PAN3: variants seen among roughly 807,000 people sequenced by gnomAD.
PAN3 encodes the protein PAN2-PAN3 deadenylation complex subunit PAN3.
A neutral mutation model predicts 96.2 loss-of-function variants in PAN3; 19 were observed. The observed-to-expected ratio is 0.20, with a 90% CI of 0.14 to 0.29. PAN3 has a LOEUF of 0.29. Ranked by LOEUF, PAN3 falls within the 10% of genes least tolerant of loss-of-function variation. PAN3 has a pLI of 1.00. For synonymous variants in PAN3, 433 were observed against 406.6 expected (o/e 1.06, Z -0.78); for missense variants, 882 against 1,108.1 (o/e 0.80, Z 2.90).
chr13:28,261,404 C>T lies in PAN3; in HGVS notation c.1357C>T (p.Leu453=), dbSNP rs1051028831. 113 of 1,602,104 alleles carry T rather than the reference C, an allele frequency of 7.1e-5. No individual in the cohort carries two copies. The highest frequency in any genetic ancestry group is 8.1e-5 in the Non-Finnish European group (95 of 1,172,660). ...FFMADELRQE[L]INRHLITMAQ... is the part of the protein sequence containing the mutation. ...ATATACTTATTTTGTTTCATAGGAG[C>T]TGATCAACAGACATTTAATAACAAT... The change falls in exon 9 of 19, where the codon CTG becomes TTG. Residue 453 remains leucine (L), a synonymous_variant. Transcript: ENST00000380958.
At chr13:28,246,067 T>G (rs933311104) in intron 6 of PAN3, among the ~76,000 whole-genome samples, 1 of 152,148 alleles carries the variant, frequency 6.6e-6, no homozygotes, top group Non-Finnish European at 1.5e-5. Flanking sequence ...ACTGTTAGGG[T>G]CATAGCAATT....
chr13:28,276,818 G>C (rs1382962264), intron 14 of PAN3, among the ~76,000 whole-genome samples: 1 of 152,182 alleles, frequency 6.6e-6, no homozygotes, highest in Non-Finnish European at 1.5e-5. Context: ...TTAAGTTATA[G>C]TGGTCATAGC....
chr13:28,156,260 C>T (rs1363473441), intron 1 of PAN3, among the ~76,000 whole-genome samples: 1 of 152,008 alleles, frequency 6.6e-6, no homozygotes, highest in Non-Finnish European at 1.5e-5. Flanking sequence ...TACAAAAAAC[C>T]CTCAGAGACT....
At chr13:28,154,965 C>T (rs528270311) in intron 1 of PAN3, among the ~76,000 whole-genome samples, 6 of 151,682 alleles carry the variant, frequency 4.0e-5, no homozygotes, top group Middle Eastern at 3.4e-3. Context: ...GGAGTACAGT[C>T]GCCCACCACC....
At chr13:28,215,749 G>T in intron 5 of PAN3, 1 of 1,486,192 alleles carries the variant, frequency 6.7e-7, no homozygotes. Flanking sequence ...TGTGCTGAGA[G>T]CTTCTCAGAC....
intron 6 of PAN3, among the ~76,000 whole-genome samples, chr13:28,233,793 C>G (rs910381023): frequency 6.6e-6 from 1 of 152,126 alleles, no homozygotes; most frequent in Non-Finnish European, 1.5e-5. Context: ...TTTCTAAAAT[C>G]TAATCTCCCT....
rs9554305 is a variant in PAN3, at chr13:28,282,920, G to A, written c.2384+1541G>A. On this transcript the variant is annotated intron_variant, in intron 17 of 18. Transcript: ENST00000380958. ...TATTTATTTATTTTGACTTAATGGA[G>A]CATGTCCTTGTAGCTTCCTGAAAAA... Among the ~76,000 whole-genome samples the A allele has an allele frequency of 3.9e-3, 595 of 151,880 alleles. 20 individuals carry two copies. The East Asian group carries it at 0.08, about 20-fold the overall frequency.
intron 14 of PAN3, among the ~76,000 whole-genome samples, chr13:28,275,125 A>C (rs1304396024): frequency 6.6e-6 from 1 of 152,192 alleles, no homozygotes. Flanking sequence ...TTAGCTGAGA[A>C]ATAAGGAAAG....
chr13:28,246,363 A>G (rs1430116020), intron 6 of PAN3, among the ~76,000 whole-genome samples: 1 of 152,042 alleles, frequency 6.6e-6, no homozygotes, highest in Non-Finnish European at 1.5e-5. Context: ...TGTTGTTTTG[A>G]TACATGCATA....
chr13:28,178,901 A>C (rs1377489448), intron 4 of PAN3, among the ~76,000 whole-genome samples: 1 of 152,188 alleles, frequency 6.6e-6, no homozygotes, highest in Non-Finnish European at 1.5e-5. Flanking sequence ...GTATACATTA[A>C]ATATGTATAG....
intron 9 of PAN3, among the ~76,000 whole-genome samples, chr13:28,261,962 C>G (rs1885776023): frequency 6.6e-6 from 1 of 151,750 alleles, no homozygotes. Context: ...TGGTGATTTA[C>G]TTTACTGTGC....
chr13:28,259,038 G>A (rs776391205), intron 7 of PAN3, among the ~76,000 whole-genome samples: 15 of 152,110 alleles, frequency 9.9e-5, no homozygotes, highest in Non-Finnish European at 2.2e-4. Context: ...ACAGAAGGCT[G>A]ACTATGTGAC....
intron 15 of PAN3, 117 bp from the exon 16 acceptor site, chr13:28,280,295 A>G (rs1887363948): frequency 1.6e-6 from 2 of 1,244,860 alleles, no homozygotes. Context: ...ATGAATTAAA[A>G]TGTTTTCAAA....
In PAN3 at chr13:28,283,326, G is replaced by A. The variant is rs193176238; in HGVS notation, c.2384+1947G>A. On this transcript the variant is annotated intron_variant, in intron 17 of 18. Coordinates refer to ENST00000380958, the MANE Select transcript of PAN3 (RefSeq NM_175854.8). Reference sequence around the variant, plus strand: ...AGCCTTCCAAAGTGCTAGGATTACAGGCATGAGTCACTGTGCCCAGCCAGG... The same window carrying A: ...AGCCTTCCAAAGTGCTAGGATTACAAGCATGAGTCACTGTGCCCAGCCAGG... 1.6e-3 allele frequency among the ~76,000 whole-genome samples: 251 copies of A among 152,294 alleles called. 2 individuals carry two copies. Among genetic ancestry groups the A allele is most frequent in the African/African-American group, 5.8e-3 (243 of 41,552 alleles).
chr13:28,198,645 T>C (rs2138241330), intron 5 of PAN3, among the ~76,000 whole-genome samples: 1 of 152,348 alleles, frequency 6.6e-6, no homozygotes, highest in African/African-American at 2.4e-5. Flanking sequence ...AATTGATAAT[T>C]ATTCTGTAAT....
At chr13:28,249,365 T>C (rs1330061868) in intron 6 of PAN3, among the ~76,000 whole-genome samples, 1 of 152,216 alleles carries the variant, frequency 6.6e-6, no homozygotes, top group Non-Finnish European at 1.5e-5. Flanking sequence ...TTTCACGTGG[T>C]CACCACTAGA....
intron 6 of PAN3, among the ~76,000 whole-genome samples, chr13:28,244,431 CTGTT>C (rs1395124754): frequency 6.6e-5 from 10 of 152,118 alleles, no homozygotes; most frequent in South Asian, 4.1e-4. Flanking sequence ...ATATAACCAT[CTGTT>C]TGTTTATTCA....
chr13:28,241,161 T>C (rs1883625802), intron 6 of PAN3, among the ~76,000 whole-genome samples: 5 of 152,084 alleles, frequency 3.3e-5, no homozygotes, highest in Admixed American at 3.3e-4. Flanking sequence ...CTAGGGAGGC[T>C]GAGGCAGTAT....
At chr13:28,283,193 C>T (rs1015898118) in intron 17 of PAN3, among the ~76,000 whole-genome samples, 8 of 152,060 alleles carry the variant, frequency 5.3e-5, no homozygotes, top group Non-Finnish European at 1.0e-4. Context: ...GGATTACAGG[C>T]GCATGCCACC....
Sources: allele counts gnomAD v4.1 joint callset (sites outside exome capture counted in the v4.1 genomes callset), GRCh38; gene constraint gnomAD v4.1.1; transcripts MANE v1.5; gene names NCBI Gene and HGNC (gene_info 2026-07-23, HGNC 2026-07-21).